SLC22A24: variants seen among roughly 807,000 people sequenced by gnomAD.
SLC22A24 encodes solute carrier family 22 member 24.
SLC22A24 carries 53 observed loss-of-function variants against 49.8 expected under a neutral mutation model. The observed-to-expected ratio is 1.06, with a 90% CI of 0.85 to 1.34. SLC22A24 has a LOEUF of 1.34. SLC22A24 is among the 40% of genes most tolerant of loss of function. The pLI is 0.00. For synonymous variants in SLC22A24, 302 were observed against 256.4 expected, an observed-to-expected ratio of 1.18 and a Z score of -1.70; for missense variants, 786 against 675.9, an observed-to-expected ratio of 1.16 and a Z score of -1.81.
chr11:63,085,850 T>C lies in SLC22A24; in HGVS notation c.1071-2393A>G, dbSNP rs1006133788. Among the ~76,000 whole-genome samples the C allele has an allele frequency of 7.2e-5, 11 of 152,236 alleles. 1 individual carries two copies. The highest frequency in any genetic ancestry group is 1.5e-4 in the Non-Finnish European group (10 of 68,042). ...CCAATGATTATTCTCCCTGCAAACA[T>C]ATATGAGCAGAATGCACATATTTTC... On this transcript the variant is annotated intron_variant, in intron 6 of 9. Transcript: ENST00000612278.
At chr11:63,142,704 C>T (rs180823412) in intron 1 of SLC22A24, among the ~76,000 whole-genome samples, 9 of 152,212 alleles carry the variant, frequency 5.9e-5, no homozygotes, top group Non-Finnish European at 1.0e-4. Context: ...CCACCCAGAT[C>T]GATAAACTGG....
intron 1 of SLC22A24, among the ~76,000 whole-genome samples, chr11:63,138,913 C>T (rs2087395218): frequency 6.6e-6 from 1 of 152,048 alleles, no homozygotes; most frequent in Non-Finnish European, 1.5e-5. Context: ...TGTAGAGATT[C>T]TAAATCTTGT....
chr11:63,080,910 G>A lies in SLC22A24; in HGVS notation c.1598+10C>T. Reference sequence around the variant, plus strand: ...TCCCCACTCAAGTGACAGCTAGAGGGTTTACTCACTCATTTTCCACATCCT... The same window carrying A: ...TCCCCACTCAAGTGACAGCTAGAGGATTTACTCACTCATTTTCCACATCCT... On this transcript the variant is annotated intron_variant, in intron 9 of 9. Transcript: ENST00000612278. The A allele has an allele frequency of 6.5e-7, 1 of 1,549,384 alleles. No individual in the cohort carries two copies. Among genetic ancestry groups the A allele is most frequent in the Non-Finnish European group, 8.7e-7 (1 of 1,145,704 alleles).
At chr11:63,130,512 T>C (rs571016894) in intron 2 of SLC22A24, among the ~76,000 whole-genome samples, 1 of 152,344 alleles carries the variant, frequency 6.6e-6, no homozygotes, top group Non-Finnish European at 1.5e-5. Context: ...GAGGATTCTC[T>C]CTTTTTCTAT....
At chr11:63,085,101 T>G (rs988510567) in intron 6 of SLC22A24, among the ~76,000 whole-genome samples, 1 of 152,140 alleles carries the variant, frequency 6.6e-6, no homozygotes, top group Non-Finnish European at 1.5e-5. Context: ...GCCCTGTGCT[T>G]TCTCATTATT....
intron 1 of SLC22A24, among the ~76,000 whole-genome samples, chr11:63,137,438 T>TA (rs1220235406): frequency 2.6e-5 from 4 of 152,136 alleles, no homozygotes; most frequent in Non-Finnish European, 5.9e-5. Flanking sequence ...TTGATGACCC[T>TA]AAAAAAGGCT....
At chr11:63,114,335 C>A (rs763717141) in intron 4 of SLC22A24, among the ~76,000 whole-genome samples, 6 of 152,124 alleles carry the variant, frequency 3.9e-5, no homozygotes, top group Non-Finnish European at 5.9e-5. Flanking sequence ...CACTGATACC[C>A]TTTCTTCCAC....
chr11:63,108,618 G>T (rs1051378128), intron 4 of SLC22A24, among the ~76,000 whole-genome samples: 10 of 152,082 alleles, frequency 6.6e-5, no homozygotes, highest in Admixed American at 4.6e-4. Context: ...GCCTGTTATT[G>T]GTCTATTCAG....
At position 63,096,125 on chromosome 11, in the gene SLC22A24, C is replaced by G. The variant is rs527306932; in HGVS notation, c.955-19G>C. 8.8e-6 allele frequency: 13 copies of G among 1,471,030 alleles called. No individual in the cohort carries two copies. The highest frequency in any genetic ancestry group is 8.4e-6 in the Non-Finnish European group (9 of 1,073,930). 91.1% of individuals were successfully genotyped at this position (1,471,030 alleles called of 1,614,324 possible). On this transcript the variant is annotated intron_variant, in intron 5 of 9. Transcript: ENST00000612278. ...TCACAAGCTTCAGCAACAAAAATAA[C>G]AACAAGCATTTGTGAGATGTCAATA...
intron 7 of SLC22A24, among the ~76,000 whole-genome samples, chr11:63,082,421 T>G (rs1172815460): frequency 6.6e-6 from 1 of 152,122 alleles, no homozygotes; most frequent in Non-Finnish European, 1.5e-5. Context: ...GGCAGAAAAC[T>G]TACACCAGCA....
At chr11:63,111,060 G>C (rs947852196) in intron 4 of SLC22A24, among the ~76,000 whole-genome samples, 69 of 151,984 alleles carry the variant, frequency 4.5e-4, no homozygotes, top group East Asian at 1.5e-3. Context: ...TAGCATGAAG[G>C]GTTGTTGAAT....
At chr11:63,091,039 A>T (rs1012287658) in intron 6 of SLC22A24, among the ~76,000 whole-genome samples, 6 of 152,120 alleles carry the variant, frequency 3.9e-5, no homozygotes, top group Admixed American at 3.3e-4. Context: ...ACCGCTAGCT[A>T]GACTAATAAA....
chr11:63,083,409 G>T lies in SLC22A24; in HGVS notation c.1119C>A (p.His373Gln). ...PFYGLILNLQ[H>Q]LGSNVSLFQI... ...GGAACAGGGAGACATTGCTCCCTAA[G>T]TGCTGCAAGTTGAGTATCAGGCCAT... The change falls in exon 7 of 10, where the codon CAC becomes CAA. Residue 373 changes from histidine (H) to glutamine (Q), a missense_variant. Transcript: ENST00000612278. 6.4e-7 allele frequency: 1 copy of T among 1,551,478 alleles called. No homozygotes were observed. The highest frequency in any genetic ancestry group is 8.7e-7 in the Non-Finnish European group (1 of 1,146,858).
intron 4 of SLC22A24, among the ~76,000 whole-genome samples, chr11:63,113,839 G>C (rs1258013619): frequency 6.9e-6 from 1 of 144,210 alleles, no homozygotes. Context: ...GGGCAACAGC[G>C]TGAGACTCCA....
intron 2 of SLC22A24, among the ~76,000 whole-genome samples, chr11:63,129,251 G>T (rs1293740977): frequency 6.6e-6 from 1 of 152,162 alleles, no homozygotes; most frequent in Non-Finnish European, 1.5e-5. Flanking sequence ...CCCATTGCTT[G>T]TTTTTGTCAG....
chr11:63,096,815 G>A (rs1031003275), intron 5 of SLC22A24, among the ~76,000 whole-genome samples: 7 of 152,190 alleles, frequency 4.6e-5, no homozygotes, highest in Middle Eastern at 3.4e-3. Flanking sequence ...ATGGTTTTAG[G>A]CTTGCACAAG....
intron 7 of SLC22A24, among the ~76,000 whole-genome samples, chr11:63,081,874 A>G (rs1288549760): frequency 2.6e-5 from 4 of 152,216 alleles, no homozygotes; most frequent in African/African-American, 9.6e-5. Context: ...AAGGATCTCA[A>G]TCTCAATCTT....
Position 63,143,590 on chromosome 11 carries a change from T to C in SLC22A24, c.190A>G (p.Thr64Ala). The stretch of plus-strand genomic sequence containing the variant: ...AGGTCATCCTTGCTGAGGGTCCCGG[T>C]ATCATTGTCAGACACAGTGTCATTG... ...LDNDTVSDND[T>A]GTLSKDDLLR... The change falls in exon 1 of 10, where the codon ACC becomes GCC. Residue 64 changes from threonine (T) to alanine (A), a missense_variant. Coordinates refer to ENST00000612278, the MANE Select transcript of SLC22A24 (RefSeq NM_001136506.2). 1.3e-6 allele frequency: 2 copies of C among 1,571,928 alleles called. No homozygotes were observed. Among genetic ancestry groups the C allele is most frequent in the Non-Finnish European group, 1.7e-6 (2 of 1,160,148 alleles).
intron 4 of SLC22A24, among the ~76,000 whole-genome samples, chr11:63,104,986 T>C (rs1000762339): frequency 9.8e-5 from 15 of 152,348 alleles, no homozygotes; most frequent in Non-Finnish European, 1.6e-4. Context: ...ATTTCCTAGA[T>C]ACAATGGGGG....
Sources: gnomAD v4.1 joint callset for allele counts (sites outside exome capture counted in the v4.1 genomes callset) on GRCh38, gnomAD v4.1.1 for gene constraint, MANE v1.5 for transcripts, NCBI Gene and HGNC (gene_info 2026-07-23, HGNC 2026-07-21) for gene names.